The following SHQ1 variants were observed in gnomAD, a reference collection of about 807,000 sequenced individuals.
SHQ1 encodes the protein protein SHQ1 homolog.
In SHQ1, 49 loss-of-function variants were observed where a neutral mutation model predicts 53.8. The ratio of observed to expected loss-of-function variants is 0.91; its 90% CI spans 0.72 to 1.16. SHQ1 has a LOEUF of 1.16. SHQ1 is among the 50% of genes most tolerant of loss of function. The pLI is 0.00. For missense variants in SHQ1, 738 were observed against 683.1 expected (o/e 1.08, Z -0.90); for synonymous variants, 243 against 251.0 (o/e 0.97, Z 0.30).
At chr3:72,762,130 C>A (rs1297651025) in intron 10 of SHQ1, among the ~76,000 whole-genome samples, 1 of 152,108 alleles carries the variant, frequency 6.6e-6, no homozygotes, top group Non-Finnish European at 1.5e-5. Context: ...CATCTGCCCA[C>A]ACACATTAGT....
chr3:72,772,687 C>G (rs915622651), intron 10 of SHQ1: 5 of 725,678 alleles, frequency 6.9e-6, no homozygotes, highest in East Asian at 5.1e-5. Flanking sequence ...CAAGTAAGAG[C>G]TTGATGGTGC....
intron 10 of SHQ1, among the ~76,000 whole-genome samples, chr3:72,758,593 G>A (rs1327045949): frequency 7.7e-6 from 1 of 130,378 alleles, no homozygotes; most frequent in Admixed American, 7.6e-5. Context: ...TTTCCGAGAT[G>A]GAGTCTCATT....
At chr3:72,745,695 C>G (rs1347788958), downstream of SHQ1, among the ~76,000 whole-genome samples, 5 of 152,050 alleles carry the variant, frequency 3.3e-5, no homozygotes, top group East Asian at 1.9e-4. Flanking sequence ...AATAATAAAC[C>G]CTTACGTTGG....
At chr3:72,833,447 T>C (rs1303875768) in intron 4 of SHQ1, among the ~76,000 whole-genome samples, 3 of 51,238 alleles carry the variant, frequency 5.9e-5, no homozygotes, top group East Asian at 8.6e-4. Flanking sequence ...TCAGAGATGA[T>C]AGATAGATAG....
chr3:72,817,178 A>C (rs1575718803), intron 7 of SHQ1, 52 bp downstream of exon 7: 1 of 1,556,804 alleles, frequency 6.4e-7, no homozygotes, highest in East Asian at 2.3e-5. Flanking sequence ...GCTTTAATGC[A>C]GTTTACTCAG....
intron 6 of SHQ1, among the ~76,000 whole-genome samples, chr3:72,820,377 A>AT (rs1259320856): frequency 6.6e-6 from 1 of 152,200 alleles, no homozygotes; most frequent in African/African-American, 2.4e-5. Flanking sequence ...TTTACTGAGC[A>AT]TTTATAAGTT....
chr3:72,816,488 G>A (rs935270525), intron 7 of SHQ1, among the ~76,000 whole-genome samples: 4 of 152,080 alleles, frequency 2.6e-5, no homozygotes, highest in Non-Finnish European at 5.9e-5. Context: ...CAGCTGCAGG[G>A]CCACACTAAC....
At chr3:72,738,021 C>T in the SHQ1 span, among the ~76,000 whole-genome samples, 1 of 152,218 alleles carries the variant, frequency 6.6e-6, no homozygotes, top group African/African-American at 2.4e-5. Context: ...GCTCTGCTAA[C>T]CCTCCCGTGT....
intron 5 of SHQ1, 70 bp from the exon 6 acceptor site, chr3:72,824,621 T>C: frequency 6.6e-7 from 1 of 1,508,090 alleles, no homozygotes; most frequent in Non-Finnish European, 8.9e-7. Context: ...CATTTTATCT[T>C]AACTCATATT....
intron 9 of SHQ1, among the ~76,000 whole-genome samples, chr3:72,806,620 G>A (rs1183936498): frequency 6.6e-6 from 1 of 152,214 alleles, no homozygotes; most frequent in Non-Finnish European, 1.5e-5. Flanking sequence ...AGAGGCTGTA[G>A]AGCAAATCTC....
At position 72,844,406 on chromosome 3, in the gene SHQ1, C is replaced by G. The variant is rs749392613; in HGVS notation, c.161G>C (p.Arg54Thr). 1.2e-6 allele frequency: 2 copies of G among 1,613,670 alleles called. No homozygotes were observed. The change falls in exon 2 of 11, where the codon AGA (arginine) becomes ACA (threonine). Residue 54 changes from arginine to threonine, a missense_variant. Transcript: ENST00000325599. ...PYFLRLTLPGRIVENGSEQGS... is the reference protein window; with the variant it reads ...PYFLRLTLPGTIVENGSEQGS... ...TTGCTCACTTCCATTTTCTACAATTCTTCCAGGAAGGGTTAATCTGCAGAT... is the reference window on the plus strand; with the variant it reads ...TTGCTCACTTCCATTTTCTACAATTGTTCCAGGAAGGGTTAATCTGCAGAT...
Position 72,846,338 on chromosome 3 carries a change from A to C in SHQ1, c.143+1860T>G. The C allele has an allele frequency of 2.0e-6, 3 of 1,512,932 alleles. No homozygotes were observed. The South Asian group carries it at 3.7e-5, about 19-fold the overall frequency. 93.7% of individuals were successfully genotyped at this position (1,512,932 alleles called of 1,614,324 possible). ...TTTAGACAGTCTCGCTCTGTTACTC[A>C]GGCTGGAGTGCGATAGCGCAATCTT... On this transcript the variant is annotated intron_variant, in intron 1 of 10. Coordinates refer to ENST00000325599, the MANE Select transcript of SHQ1 (RefSeq NM_018130.3).
intron 10 of SHQ1, among the ~76,000 whole-genome samples, chr3:72,751,073 C>G (rs1272386687): frequency 6.6e-6 from 1 of 152,070 alleles, no homozygotes; most frequent in Non-Finnish European, 1.5e-5. Context: ...AACTATGACT[C>G]AAAATTCAGA....
At chr3:72,791,845 C>A (rs1230631173) in intron 10 of SHQ1, among the ~76,000 whole-genome samples, 14 of 152,130 alleles carry the variant, frequency 9.2e-5, no homozygotes, top group African/African-American at 3.1e-4. Flanking sequence ...AACCAACATG[C>A]CTGGCCCATT....
rs1187845856 is a variant in SHQ1, at chr3:72,749,971, T to C, written c.*313A>G. On this transcript the variant is annotated 3_prime_UTR_variant, in exon 11 of 11. Coordinates refer to ENST00000325599, the MANE Select transcript of SHQ1 (RefSeq NM_018130.3). ...ATTTGCATATAACCTACCCACATCC[T>C]CCTGCACAGTTTAAATCATCACTAG... The C allele has an allele frequency of 3.0e-6, 1 of 335,448 alleles. No homozygotes were observed. Among genetic ancestry groups the C allele is most frequent in the Non-Finnish European group, 5.4e-6 (1 of 183,778 alleles). The allele number at this position is 335,448 out of a possible 1,614,324, so 20.8% of individuals were successfully genotyped here. A position where few individuals can be genotyped will look rare whatever the true frequency, so the allele number is the denominator to read the frequency against.
intron 8 of SHQ1, among the ~76,000 whole-genome samples, chr3:72,813,269 C>T (rs1158345455): frequency 6.6e-6 from 1 of 151,530 alleles, no homozygotes; most frequent in African/African-American, 2.4e-5. Context: ...GAGTTCGAGA[C>T]CTCCCTGGCC....
chr3:72,726,812 G>C, the SHQ1 span, among the ~76,000 whole-genome samples: 12 of 152,188 alleles, frequency 7.9e-5, 1 homozygote, highest in East Asian at 2.3e-3. Flanking sequence ...TTACTGCGTC[G>C]GCCCCCTGAG....
Position 72,817,055 on chromosome 3 carries a change from T to G in SHQ1, c.882+175A>C, listed in dbSNP as rs372301922. On this transcript the variant is annotated intron_variant, in intron 7 of 10. Coordinates refer to ENST00000325599, the MANE Select transcript of SHQ1 (RefSeq NM_018130.3). ...AAAGTGAAAAAGACCAACTAAGTAA[T>G]GTATGATTGCATGTGGGTACCCACC... Among the ~76,000 whole-genome samples the G allele has an allele frequency of 1.6e-4, 24 of 152,320 alleles. 1 individual carries two copies. The East Asian group carries it at 4.4e-3, about 28-fold the overall frequency.
intron 10 of SHQ1, among the ~76,000 whole-genome samples, chr3:72,752,492 T>C (rs1705407014): frequency 6.6e-6 from 1 of 152,172 alleles, no homozygotes. Context: ...ATGGAGTGCT[T>C]TTTCTTTTTA....
Sources: allele counts gnomAD v4.1 joint callset (sites outside exome capture counted in the v4.1 genomes callset), GRCh38; gene constraint gnomAD v4.1.1; transcripts MANE v1.5; gene names NCBI Gene and HGNC (gene_info 2026-07-23, HGNC 2026-07-21).